The following ANO3 variants were observed in gnomAD, a reference collection of about 807,000 sequenced individuals.
ANO3 encodes anoctamin 3, also known as anoctamin-3.
A neutral mutation model predicts 144.8 loss-of-function variants in ANO3; 99 were observed. That is an observed-to-expected ratio of 0.68 (90% confidence interval 0.58 to 0.81). The LOEUF is 0.81. ANO3 is among the 30% of genes least tolerant of loss of function. The pLI is 0.00. For missense variants in ANO3, 905 were observed against 1,202.2 expected (o/e 0.75, Z 3.66); for synonymous variants, 414 against 392.6 (o/e 1.05, Z -0.64).
intron 1 of ANO3, among the ~76,000 whole-genome samples, chr11:26,205,126 A>G (rs1437556203): frequency 6.6e-6 from 1 of 152,122 alleles, no homozygotes; most frequent in African/African-American, 2.4e-5. Flanking sequence ...CGAGAACAGC[A>G]TGGGAAAAAC....
At chr11:26,227,361 C>G (rs907836983) in intron 1 of ANO3, among the ~76,000 whole-genome samples, 4 of 152,104 alleles carry the variant, frequency 2.6e-5, no homozygotes, top group African/African-American at 9.7e-5. Flanking sequence ...CATTTAGAAG[C>G]CTCTTCCTTT....
intron 20 of ANO3, among the ~76,000 whole-genome samples, chr11:26,636,687 T>C (rs1006734656): frequency 1.3e-5 from 2 of 152,210 alleles, no homozygotes; most frequent in African/African-American, 4.8e-5. Context: ...AGCTTCAGAG[T>C]CTGTGCTCTG....
chr11:26,247,784 A>T (rs1852831739), intron 1 of ANO3, among the ~76,000 whole-genome samples: 2 of 131,322 alleles, frequency 1.5e-5, no homozygotes, highest in South Asian at 5.1e-4. Flanking sequence ...GCTGGAGTGC[A>T]GTGGCGAGAT....
chr11:26,533,041 C>T (rs894600344), intron 8 of ANO3, among the ~76,000 whole-genome samples: 5 of 152,106 alleles, frequency 3.3e-5, no homozygotes, highest in African/African-American at 9.7e-5. Context: ...CTACAATTAA[C>T]AGGACTCTGA....
chr11:26,625,383 G>T (rs1852550908), intron 18 of ANO3, among the ~76,000 whole-genome samples: 2 of 152,088 alleles, frequency 1.3e-5, no homozygotes, highest in Non-Finnish European at 2.9e-5. Context: ...TCCCTGCAGT[G>T]CCCTGTCCCC....
chr11:26,375,397 G>A (rs1001548229), intron 1 of ANO3, among the ~76,000 whole-genome samples: 3 of 152,082 alleles, frequency 2.0e-5, no homozygotes, highest in Admixed American at 6.5e-5. Context: ...TTGGTATAAG[G>A]AACTCTTTCC....
intron 1 of ANO3, among the ~76,000 whole-genome samples, chr11:26,313,945 T>A (rs1854564690): frequency 6.6e-6 from 1 of 151,374 alleles, no homozygotes; most frequent in Non-Finnish European, 1.5e-5. Flanking sequence ...GAAGTGAGCA[T>A]GACTGCCAGG....
chr11:26,212,636 T>A (rs1178599345), intron 1 of ANO3, among the ~76,000 whole-genome samples: 59 of 152,076 alleles, frequency 3.9e-4, no homozygotes, highest in Admixed American at 3.9e-3. Flanking sequence ...ATTGAATCAG[T>A]AATTAGTAGC....
chr11:26,261,395 C>T (rs766253239), intron 1 of ANO3, among the ~76,000 whole-genome samples: 6 of 152,082 alleles, frequency 3.9e-5, no homozygotes, highest in Non-Finnish European at 7.4e-5. Context: ...GTTTTCTGAC[C>T]ATGACAAGAA....
At chr11:26,321,029 C>T (rs577873487) in intron 1 of ANO3, among the ~76,000 whole-genome samples, 5 of 151,966 alleles carry the variant, frequency 3.3e-5, no homozygotes, top group Non-Finnish European at 7.4e-5. Context: ...CCTTATTGTT[C>T]CTGGCCTGGT....
intron 1 of ANO3, among the ~76,000 whole-genome samples, chr11:26,314,454 C>G (rs1359824851): frequency 1.3e-5 from 2 of 152,148 alleles, no homozygotes. Flanking sequence ...CTACTCATTA[C>G]TGCTTTTTCA....
At chr11:26,205,806 C>T (rs747986494) in intron 1 of ANO3, among the ~76,000 whole-genome samples, 4 of 152,116 alleles carry the variant, frequency 2.6e-5, no homozygotes, top group South Asian at 2.1e-4. Context: ...GTCTAAGTCC[C>T]GAGCTAAAGC....
intron 17 of ANO3, among the ~76,000 whole-genome samples, chr11:26,621,250 G>A (rs1390749402): frequency 6.6e-6 from 1 of 152,102 alleles, no homozygotes. Flanking sequence ...ATTCCAAAAT[G>A]CTTACCATGG....
At chr11:26,582,870 A>G (rs1382080032) in intron 14 of ANO3, among the ~76,000 whole-genome samples, 1 of 152,202 alleles carries the variant, frequency 6.6e-6, no homozygotes, top group East Asian at 1.9e-4. Context: ...GAAAATATTC[A>G]ACTGAATTAA....
chr11:26,517,055 T>G lies in ANO3; in HGVS notation c.692+128T>G, dbSNP rs1349698167. On this transcript the variant is annotated intron_variant, in intron 6 of 26. Transcript: ENST00000256737. ...GCTTTTTCTTTCAAAATTTCAGTTA[T>G]TCTGGACAGTTTTTTTTTCTTCCTA... 17 of 481,940 alleles carry G rather than the reference T, an allele frequency of 3.5e-5. No individual in the cohort carries two copies. The South Asian group carries it at 7.9e-4, about 23-fold the overall frequency. 29.9% of individuals were successfully genotyped at this position (481,940 alleles called of 1,614,324 possible).
At chr11:26,193,153 T>C (rs2133904471) in intron 1 of ANO3, among the ~76,000 whole-genome samples, 1 of 146,602 alleles carries the variant, frequency 6.8e-6, no homozygotes, top group African/African-American at 2.5e-5. Context: ...TTTTTTTTTT[T>C]TTTTTGAGAT....
upstream of ANO3, among the ~76,000 whole-genome samples, chr11:26,307,348 C>T (rs1854406796): frequency 6.6e-6 from 1 of 151,768 alleles, no homozygotes; most frequent in African/African-American, 2.4e-5. Context: ...GAGCAAAACT[C>T]TGTCTCAAAA....
chr11:26,432,859 G>A (rs142919592), intron 1 of ANO3, among the ~76,000 whole-genome samples: 1 of 152,202 alleles, frequency 6.6e-6, no homozygotes, highest in East Asian at 1.9e-4. Flanking sequence ...TATTCTTTTT[G>A]CTTAGGATTG....
intron 1 of ANO3, among the ~76,000 whole-genome samples, chr11:26,427,656 C>T (rs889528014): frequency 2.4e-4 from 37 of 152,118 alleles, no homozygotes; most frequent in African/African-American, 6.5e-4. Flanking sequence ...CACAACAACT[C>T]GAGTTAACTT....
Sources: gnomAD v4.1 joint callset for allele counts (sites outside exome capture counted in the v4.1 genomes callset) on GRCh38, gnomAD v4.1.1 for gene constraint, MANE v1.5 for transcripts, NCBI Gene and HGNC (gene_info 2026-07-23, HGNC 2026-07-21) for gene names.